The following AOPEP variants were observed in gnomAD, a reference collection of about 807,000 sequenced individuals.
AOPEP encodes the protein aminopeptidase O.
Under a neutral mutation model 98.1 loss-of-function variants are expected in AOPEP, and 77 were observed. The ratio of observed to expected loss-of-function variants is 0.78; its 90% CI spans 0.65 to 0.95. The LOEUF is 0.95. Among genes scored for constraint, AOPEP ranks in the 40% least tolerant of loss-of-function variants. The pLI is 0.00. For missense variants in AOPEP, 1,024 were observed against 1,024.7 expected, an observed-to-expected ratio of 1.00 and a Z score of 0.01; for synonymous variants, 346 against 365.3, an observed-to-expected ratio of 0.95 and a Z score of 0.60.
chr9:94,801,469 T>C (rs1302213470), intron 5 of AOPEP, among the ~76,000 whole-genome samples: 1 of 152,230 alleles, frequency 6.6e-6, no homozygotes, highest in Non-Finnish European at 1.5e-5. Flanking sequence ...GGGCAATGAC[T>C]TGAGAGACCC....
intron 5 of AOPEP, among the ~76,000 whole-genome samples, chr9:94,844,520 A>T (rs1407457825): frequency 6.6e-6 from 1 of 152,180 alleles, no homozygotes; most frequent in Non-Finnish European, 1.5e-5. Flanking sequence ...CTTCTCTTAA[A>T]GTTATCTTGA....
At chr9:94,743,637 CT>C (rs1294078675) in intron 1 of AOPEP, among the ~76,000 whole-genome samples, 2 of 152,112 alleles carry the variant, frequency 1.3e-5, no homozygotes, top group African/African-American at 4.8e-5. Flanking sequence ...CTTCTACCAC[CT>C]GGAAGATGGG....
intron 5 of AOPEP, among the ~76,000 whole-genome samples, chr9:94,814,773 C>T (rs879639501): frequency 4.6e-5 from 7 of 152,136 alleles, no homozygotes; most frequent in East Asian, 3.8e-4. Context: ...TCCCGGTATT[C>T]GGGTAAGTAT....
the AOPEP span, chr9:95,111,495 G>A: frequency 7.4e-6 from 12 of 1,613,684 alleles, no homozygotes; most frequent in East Asian, 2.2e-5. Flanking sequence ...CTCCCATCAC[G>A]GGGGCCGTAG....
chr9:95,098,048 G>A, the AOPEP span, among the ~76,000 whole-genome samples: 1 of 152,252 alleles, frequency 6.6e-6, no homozygotes, highest in East Asian at 1.9e-4. Context: ...GAGAAGCACG[G>A]GGAACTGTTT....
the AOPEP span, chr9:95,135,217 T>C: frequency 1.1e-6 from 1 of 913,036 alleles, no homozygotes; most frequent in Non-Finnish European, 1.8e-6. Flanking sequence ...AAAATGTAAA[T>C]ACACGATTAT....
chr9:94,870,362 G>T (rs2046210444), intron 5 of AOPEP, among the ~76,000 whole-genome samples: 1 of 152,178 alleles, frequency 6.6e-6, no homozygotes, highest in African/African-American at 2.4e-5. Flanking sequence ...AGAGTATCGA[G>T]AATTAATAAT....
chr9:94,955,710 A>G (rs979913893), intron 8 of AOPEP, among the ~76,000 whole-genome samples, 198 bp from the exon 9 acceptor site: 2 of 152,122 alleles, frequency 1.3e-5, no homozygotes, highest in Non-Finnish European at 2.9e-5. Flanking sequence ...TGATGACAAC[A>G]TTAACAAAGG....
chr9:95,149,870 CTT>C, the AOPEP span: 4 of 1,549,884 alleles, frequency 2.6e-6, no homozygotes, highest in Non-Finnish European at 2.6e-6. Flanking sequence ...ACACCACAGC[CTT>C]CTAAGAAAAG....
intron 9 of AOPEP, among the ~76,000 whole-genome samples, chr9:94,960,876 G>T (rs1425495671): frequency 6.6e-6 from 1 of 152,234 alleles, no homozygotes; most frequent in African/African-American, 2.4e-5. Flanking sequence ...GCCGGGCGCG[G>T]TGGGGGGCGC....
At chr9:94,759,122 G>T (rs1241701483) in intron 1 of AOPEP, among the ~76,000 whole-genome samples, 1 of 152,118 alleles carries the variant, frequency 6.6e-6, no homozygotes, top group African/African-American at 2.4e-5. Flanking sequence ...TAATTTACTG[G>T]AAGTGCTGAT....
In AOPEP at chr9:94,773,153, A is replaced by G. The variant is rs1389269905; in HGVS notation, c.949A>G (p.Thr317Ala). ...GAGTGGGGAAAATTCTGCCAAACCA[A>G]CGCAGCTTTGGGAAGGTACTGTACA... ...LMSGENSAKP[T>A]QLWEECSSWY... Residue 317 changes from threonine to alanine, a missense_variant, in exon 3 of 17, where the codon ACG (threonine) becomes GCG (alanine). This residue lies in a region of AOPEP where 440 missense variants were observed against 433.8 expected (regional missense o/e 1.01). Transcript: ENST00000375315. 6 of 1,613,830 alleles carry G rather than the reference A, an allele frequency of 3.7e-6. No homozygotes were observed. Among genetic ancestry groups the G allele is most frequent in the East Asian group, 2.2e-5 (1 of 44,854 alleles).
chr9:95,020,663 G>GT (rs1270685297), intron 13 of AOPEP, among the ~76,000 whole-genome samples: 2 of 151,404 alleles, frequency 1.3e-5, no homozygotes, highest in African/African-American at 4.9e-5. Flanking sequence ...CACGCCTATA[G>GT]TTTCAGCACT....
chr9:95,060,194 C>T (rs1044783233), intron 13 of AOPEP, among the ~76,000 whole-genome samples: 1 of 152,168 alleles, frequency 6.6e-6, no homozygotes, highest in African/African-American at 2.4e-5. Context: ...AGGGAAGACA[C>T]AGTTCTTTCA....
At chr9:95,005,355 C>A in intron 12 of AOPEP, 135 bp downstream of exon 12, 1 of 729,258 alleles carries the variant, frequency 1.4e-6, no homozygotes, top group South Asian at 3.9e-5. Context: ...GCGCGGGGAG[C>A]GGCCGTGACG....
chr9:95,024,656 A>G (rs944055933), intron 13 of AOPEP, among the ~76,000 whole-genome samples: 1 of 152,202 alleles, frequency 6.6e-6, no homozygotes, highest in African/African-American at 2.4e-5. Flanking sequence ...TGTCTCTGAG[A>G]GGAGGGAGAA....
At chr9:94,928,396 T>C in intron 6 of AOPEP, 29 bp from the exon 7 acceptor site, 1 of 1,464,332 alleles carries the variant, frequency 6.8e-7, no homozygotes, top group Non-Finnish European at 9.3e-7. Flanking sequence ...GTTTTGTGCA[T>C]GTGTGTCTGT....
Position 94,726,749 on chromosome 9 carries a change from C to T in AOPEP, c.-138C>T, listed in dbSNP as rs1226845440. 2 of 152,328 alleles carry T rather than the reference C, an allele frequency of 1.3e-5. No individual in the cohort carries two copies. Among genetic ancestry groups the T allele is most frequent in the Non-Finnish European group, 2.9e-5 (2 of 68,088 alleles). 9.4% of individuals were successfully genotyped at this position (152,328 alleles called of 1,614,324 possible). ...GGTGACCCGTGGGACGCGGCTGAGA[C>T]AGGTAACCTGTTCGCTCCCTGTTGG... On this transcript the variant is annotated splice_region_variant and 5_prime_UTR_variant, in exon 1 of 17. Transcript: ENST00000375315.
chr9:95,098,366 A>C, the AOPEP span, among the ~76,000 whole-genome samples: 1 of 146,876 alleles, frequency 6.8e-6, no homozygotes, highest in African/African-American at 2.4e-5. Flanking sequence ...TTTCTGTCCT[A>C]GCACCTTGTC....
Sources: gnomAD v4.1 joint callset for allele counts (sites outside exome capture counted in the v4.1 genomes callset) on GRCh38, gnomAD v4.1.1 for gene constraint, gnomAD v4.1.1 regional missense constraint, MANE v1.5 for transcripts, NCBI Gene and HGNC (gene_info 2026-07-23, HGNC 2026-07-21) for gene names.